The following MYO6 variants were observed in gnomAD, a reference collection of about 807,000 sequenced individuals.
The protein encoded by MYO6 is unconventional myosin-VI.
A neutral mutation model predicts 178.7 loss-of-function variants in MYO6; 74 were observed. The ratio of observed to expected loss-of-function variants is 0.41; its 90% CI spans 0.34 to 0.50. MYO6 has a LOEUF of 0.50. Ranked by LOEUF, MYO6 falls within the 20% of genes least tolerant of loss-of-function variation. MYO6 has a pLI of 0.09. For synonymous variants in MYO6, 477 were observed against 504.6 expected (o/e 0.95, Z 0.73); for missense variants, 1,330 against 1,547.4 (o/e 0.86, Z 2.36).
intron 7 of MYO6, among the ~76,000 whole-genome samples, chr6:75,837,697 A>C (rs1329109091): frequency 6.6e-6 from 1 of 152,198 alleles, no homozygotes; most frequent in Non-Finnish European, 1.5e-5. Context: ...AAAGTTGAGC[A>C]CCAGTAAAGT....
intron 24 of MYO6, among the ~76,000 whole-genome samples, chr6:75,886,334 A>T: frequency 6.6e-6 from 1 of 152,228 alleles, no homozygotes; most frequent in South Asian, 2.1e-4. Context: ...TGTAAAGACT[A>T]TAAAACAAGA....
chr6:75,857,379 A>G, intron 13 of MYO6, 125 bp downstream of exon 13: 9 of 960,210 alleles, frequency 9.4e-6, no homozygotes, highest in South Asian at 1.4e-5. Flanking sequence ...ATATGTCCAC[A>G]CTCACATTTC....
Position 75,885,811 on chromosome 6 carries a change from C to T in MYO6, c.2417-193C>T, listed in dbSNP as rs117325088. On this transcript the variant is annotated intron_variant, in intron 23 of 34. Coordinates refer to ENST00000369977, the MANE Select transcript of MYO6 (RefSeq NM_004999.4). ...CAAGATCATGCCATTGCACTCCAGC[C>T]TGGGTTGAGACTGTCAAAACAAAAA... Among the ~76,000 whole-genome samples the T allele has an allele frequency of 0.013, 1,991 of 152,202 alleles. 74 individuals are homozygous for T. In the East Asian group the frequency reaches 0.15, roughly 11 times the overall value.
intron 1 of MYO6, among the ~76,000 whole-genome samples, chr6:75,774,860 T>A (rs1434903117): frequency 6.6e-6 from 1 of 152,072 alleles, no homozygotes; most frequent in Non-Finnish European, 1.5e-5. Flanking sequence ...TGGCACGATC[T>A]TGGCTCACTG....
chr6:75,772,131 C>T (rs958520004), intron 1 of MYO6, among the ~76,000 whole-genome samples: 4 of 152,114 alleles, frequency 2.6e-5, no homozygotes, highest in Non-Finnish European at 5.9e-5. Context: ...CGTATCTAAA[C>T]CACTCTAAAC....
chr6:75,766,699 T>G (rs974514744), intron 1 of MYO6, among the ~76,000 whole-genome samples: 1 of 152,214 alleles, frequency 6.6e-6, no homozygotes, highest in African/African-American at 2.4e-5. Flanking sequence ...ATGAACACCT[T>G]TTGGTAAAGT....
intron 1 of MYO6, among the ~76,000 whole-genome samples, chr6:75,783,090 T>G (rs945556486): frequency 1.3e-5 from 2 of 151,672 alleles, no homozygotes; most frequent in Admixed American, 6.6e-5. Flanking sequence ...AATTTTTAAT[T>G]TTTTTTTGTA....
chr6:75,907,626 C>A lies in MYO6; in HGVS notation c.3198C>A (p.Thr1066=), dbSNP rs143864052. The part of the protein sequence containing the change: ...FLSRGPAVLA[T]KAAAGTKKYD... ...ACAGAGGTCCTGCTGTACTAGCCACCAAAGCAGCTGCTGGTACTAAGAAAT... is the reference window on the plus strand; with the variant it reads ...ACAGAGGTCCTGCTGTACTAGCCACAAAAGCAGCTGCTGGTACTAAGAAAT... The change falls in exon 31 of 35, where the codon ACC becomes ACA. Residue 1066 remains threonine, a synonymous_variant. Coordinates refer to ENST00000369977, the MANE Select transcript of MYO6 (RefSeq NM_004999.4). 4 of 1,613,462 alleles carry A rather than the reference C, an allele frequency of 2.5e-6. No homozygotes were observed. Among genetic ancestry groups the A allele is most frequent in the African/African-American group, 1.3e-5 (1 of 74,964 alleles).
intron 30 of MYO6, among the ~76,000 whole-genome samples, chr6:75,902,815 G>T (rs1779921434): frequency 6.6e-6 from 1 of 151,272 alleles, no homozygotes; most frequent in East Asian, 1.9e-4. Flanking sequence ...TAATTGTGAT[G>T]TTAGGGTGTC....
chr6:75,868,377 A>G (rs997034637), intron 18 of MYO6, among the ~76,000 whole-genome samples: 4 of 151,846 alleles, frequency 2.6e-5, no homozygotes, highest in African/African-American at 9.7e-5. Context: ...AAAATAGTAT[A>G]TTTGCCTATA....
At position 75,898,466 on chromosome 6, in the gene MYO6, A is replaced by G; in HGVS notation, c.3176+55A>G. Reference sequence around the variant, plus strand: ...TGTTCACCTCAAAATCATATTTTTAAATTACTTTTGATTATTTGGACCAGA... The same window carrying G: ...TGTTCACCTCAAAATCATATTTTTAGATTACTTTTGATTATTTGGACCAGA... On this transcript the variant is annotated intron_variant, in intron 30 of 34. Transcript: ENST00000369977. The G allele has an allele frequency of 2.8e-6, 4 of 1,438,022 alleles. No homozygotes were observed. The South Asian group carries it at 4.6e-5, about 16-fold the overall frequency. 89.1% of individuals were successfully genotyped at this position (1,438,022 alleles called of 1,614,324 possible). A position where few individuals can be genotyped will look rare whatever the true frequency, so the allele number is the denominator to read the frequency against.
intron 30 of MYO6, among the ~76,000 whole-genome samples, chr6:75,900,830 A>C (rs1203190603): frequency 6.6e-6 from 1 of 150,832 alleles, no homozygotes; most frequent in Non-Finnish European, 1.5e-5. Flanking sequence ...CTGAATGGTA[A>C]TGCCTAGGTT....
rs553346930 is a variant in MYO6, at chr6:75,760,130, A to G, written c.-48+10707A>G. 1.5e-4 allele frequency among the ~76,000 whole-genome samples: 23 copies of G among 152,346 alleles called. No individual in the cohort carries two copies. The East Asian group carries it at 4.4e-3, about 29-fold the overall frequency. On this transcript the variant is annotated intron_variant, in intron 1 of 34. Coordinates refer to ENST00000369977, the MANE Select transcript of MYO6 (RefSeq NM_004999.4). Reference sequence around the variant, plus strand: ...GGTAATAGTTCATAGAAGCAAGACTATTGGGAAATAGTTGTTCGTCCTTCC... The same window carrying G: ...GGTAATAGTTCATAGAAGCAAGACTGTTGGGAAATAGTTGTTCGTCCTTCC...
chr6:75,750,015 T>TA (rs1776711665), intron 1 of MYO6, among the ~76,000 whole-genome samples: 1 of 152,152 alleles, frequency 6.6e-6, no homozygotes, highest in East Asian at 1.9e-4. Context: ...ATTTTAATTT[T>TA]AAGTAGGACA....
chr6:75,753,455 G>GTGTGTGTATATATATATATA (rs370647728), intron 1 of MYO6, among the ~76,000 whole-genome samples: 13 of 140,038 alleles, frequency 9.3e-5, no homozygotes, highest in African/African-American at 3.5e-4. Context: ...GTGTGTGTGT[G>GTGTGTGTATATATATATATA]TATATATATA....
chr6:75,825,766 G>A (rs192176980), intron 3 of MYO6, among the ~76,000 whole-genome samples: 1 of 151,890 alleles, frequency 6.6e-6, no homozygotes, highest in African/African-American at 2.4e-5. Flanking sequence ...TGATTAAACA[G>A]GATCTTAAAT....
intron 16 of MYO6, among the ~76,000 whole-genome samples, chr6:75,865,615 T>G (rs1383377795): frequency 6.6e-6 from 1 of 152,078 alleles, no homozygotes; most frequent in African/African-American, 2.4e-5. Flanking sequence ...TCCGCCTGCC[T>G]CAGCCTCCCG....
intron 27 of MYO6, 43 bp from the exon 28 acceptor site, chr6:75,892,483 TAAAC>T: frequency 6.2e-7 from 1 of 1,613,070 alleles, no homozygotes; most frequent in Non-Finnish European, 8.5e-7. Flanking sequence ...AGTGATCAAG[TAAAC>T]AAGTGAAGAA....
rs969899622 is a variant in MYO6 at position 75,831,946 on chromosome 6, G to A, written c.392-896G>A. Among the ~76,000 whole-genome samples the A allele has an allele frequency of 1.1e-4, 17 of 151,914 alleles. No homozygotes were observed. In the East Asian group the frequency reaches 2.7e-3, roughly 24 times the overall value. On this transcript the variant is annotated intron_variant, in intron 5 of 34. Transcript: ENST00000369977. ...ATAAATTGGACAAAGGGATGTGTGC[G>A]CTCTTGTATATGGTTTGCATTCTCC...
Sources: gnomAD v4.1 joint callset for allele counts (sites outside exome capture counted in the v4.1 genomes callset) on GRCh38, gnomAD v4.1.1 for gene constraint, MANE v1.5 for transcripts, NCBI Gene and HGNC (gene_info 2026-07-23, HGNC 2026-07-21) for gene names.